The following SGCZ variants were observed in gnomAD, a reference collection of about 807,000 sequenced individuals.
The protein encoded by SGCZ is sarcoglycan zeta.
In SGCZ, 40 loss-of-function variants were observed where a neutral mutation model predicts 41.3. The ratio of observed to expected loss-of-function variants is 0.97; its 90% CI spans 0.75 to 1.26. SGCZ has a LOEUF of 1.26. Ranked by LOEUF, SGCZ falls within the 50% of genes most tolerant of loss-of-function variation. The probability of loss-of-function intolerance (pLI) is 0.00; values close to 1 mark genes in which losing one functional copy is unlikely to be tolerated. For synonymous variants in SGCZ, 206 were observed against 137.5 expected (o/e 1.50, Z -3.49); for missense variants, 552 against 369.8 (o/e 1.49, Z -4.04).
chr8:14,558,282 G>C (rs531803312), intron 1 of SGCZ, among the ~76,000 whole-genome samples: 31 of 152,052 alleles, frequency 2.0e-4, no homozygotes, highest in Non-Finnish European at 3.5e-4. Context: ...CCAAAAGATA[G>C]AGTAAGAGGG....
chr8:14,224,312 G>A (rs1342512231), intron 4 of SGCZ, among the ~76,000 whole-genome samples: 1 of 151,760 alleles, frequency 6.6e-6, no homozygotes, highest in Non-Finnish European at 1.5e-5. Context: ...AACCAATAGT[G>A]ACATTGCAAT....
intron 3 of SGCZ, among the ~76,000 whole-genome samples, chr8:14,315,345 G>A (rs528053714): frequency 2.0e-5 from 3 of 152,128 alleles, no homozygotes; most frequent in East Asian, 3.9e-4. Flanking sequence ...ATAGGTTACC[G>A]GCTGGGTAAT....
chr8:15,065,082 A>G (rs139176198), intron 1 of SGCZ, among the ~76,000 whole-genome samples: 1 of 152,260 alleles, frequency 6.6e-6, no homozygotes, highest in East Asian at 1.9e-4. Flanking sequence ...CAGTCCTGCC[A>G]AATCTGGATA....
chr8:14,558,812 G>C (rs1444485707), intron 1 of SGCZ, among the ~76,000 whole-genome samples: 4 of 151,954 alleles, frequency 2.6e-5, no homozygotes, highest in African/African-American at 9.7e-5. Flanking sequence ...TTTCATACCA[G>C]GAATGCAGTG....
At chr8:15,228,045 A>T (rs1158851176) in intron 1 of SGCZ, among the ~76,000 whole-genome samples, 1 of 152,242 alleles carries the variant, frequency 6.6e-6, no homozygotes, top group African/African-American at 2.4e-5. Context: ...TATGGAACAG[A>T]TGTTTGAAAA....
intron 1 of SGCZ, among the ~76,000 whole-genome samples, chr8:14,815,086 A>T (rs1801862122): frequency 6.6e-6 from 1 of 152,222 alleles, no homozygotes; most frequent in Non-Finnish European, 1.5e-5. Flanking sequence ...AATTTGTCCC[A>T]ACATGACATC....
At chr8:15,114,222 T>C (rs1007328061) in intron 1 of SGCZ, among the ~76,000 whole-genome samples, 2 of 152,208 alleles carry the variant, frequency 1.3e-5, no homozygotes, top group Non-Finnish European at 1.5e-5. Context: ...AATCATTTTG[T>C]AGGTAAAAGT....
intron 1 of SGCZ, among the ~76,000 whole-genome samples, chr8:14,971,039 T>C (rs1407856745): frequency 6.6e-6 from 1 of 152,224 alleles, no homozygotes; most frequent in Non-Finnish European, 1.5e-5. Flanking sequence ...TTTTTGATGC[T>C]TTTGTGAAAT....
intron 1 of SGCZ, among the ~76,000 whole-genome samples, chr8:15,184,054 A>G (rs1021626513): frequency 2.6e-5 from 4 of 152,172 alleles, no homozygotes; most frequent in Non-Finnish European, 5.9e-5. Flanking sequence ...TGCTGAAATA[A>G]TATATTTTTT....
chr8:15,079,758 G>A (rs1249283101), intron 1 of SGCZ, among the ~76,000 whole-genome samples: 2 of 152,154 alleles, frequency 1.3e-5, no homozygotes, highest in South Asian at 2.1e-4. Flanking sequence ...GATTCAGGGA[G>A]TCCATGTGCA....
intron 1 of SGCZ, among the ~76,000 whole-genome samples, chr8:14,691,717 C>T (rs1031674849): frequency 6.6e-6 from 1 of 151,902 alleles, no homozygotes; most frequent in Non-Finnish European, 1.5e-5. Flanking sequence ...ATTTAAACAT[C>T]GTTCTTCATA....
chr8:14,702,658 C>G (rs180672657), intron 1 of SGCZ, among the ~76,000 whole-genome samples: 1 of 151,928 alleles, frequency 6.6e-6, no homozygotes, highest in Admixed American at 6.6e-5. Flanking sequence ...TTGCTCAAGT[C>G]AAACACCTTG....
At chr8:14,761,285 T>C (rs149995114) in intron 1 of SGCZ, among the ~76,000 whole-genome samples, 93 of 152,162 alleles carry the variant, frequency 6.1e-4, no homozygotes, top group African/African-American at 2.1e-3. Flanking sequence ...AATATTATAT[T>C]AAAATGTTCC....
At chr8:14,341,092 G>T (rs891516855) in intron 2 of SGCZ, among the ~76,000 whole-genome samples, 1 of 152,122 alleles carries the variant, frequency 6.6e-6, no homozygotes. Flanking sequence ...CTATGTTGTA[G>T]CATGTGTCAA....
intron 2 of SGCZ, among the ~76,000 whole-genome samples, chr8:14,552,058 T>C (rs950760529): frequency 6.6e-6 from 1 of 151,248 alleles, no homozygotes; most frequent in African/African-American, 2.4e-5. Context: ...TTTGTGTAGA[T>C]CAATAGTACT....
chr8:14,104,031 T>G (rs1802126325), intron 6 of SGCZ, among the ~76,000 whole-genome samples: 4 of 152,116 alleles, frequency 2.6e-5, no homozygotes, highest in African/African-American at 9.7e-5. Flanking sequence ...GTATGGAAAG[T>G]CTCCTGTCCA....
chr8:15,103,082 T>A (rs887204588), intron 1 of SGCZ, among the ~76,000 whole-genome samples: 2 of 152,084 alleles, frequency 1.3e-5, no homozygotes, highest in Non-Finnish European at 2.9e-5. Flanking sequence ...TAAGGAGAGA[T>A]CGAAGAGTCC....
rs141646285 is a variant in SGCZ, at chr8:14,541,854, G to C, written c.234+12878C>G. Reference sequence around the variant, plus strand: ...TGGCATGAGATGGTATCTCATTGTGGTTTTGATTTCCATTTTCCAATGACC... The same window carrying C: ...TGGCATGAGATGGTATCTCATTGTGCTTTTGATTTCCATTTTCCAATGACC... On this transcript the variant is annotated intron_variant, in intron 2 of 7. Coordinates refer to ENST00000382080, the MANE Select transcript of SGCZ (RefSeq NM_139167.4). 7.2e-3 allele frequency among the ~76,000 whole-genome samples: 1,092 copies of C among 152,192 alleles called. 16 individuals are homozygous for C. The highest frequency in any genetic ancestry group is 0.025 in the African/African-American group (1,024 of 41,536).
At chr8:14,279,117 A>G (rs893308577) in intron 3 of SGCZ, among the ~76,000 whole-genome samples, 2 of 152,124 alleles carry the variant, frequency 1.3e-5, no homozygotes, top group African/African-American at 4.8e-5. Context: ...TGAATTCCCT[A>G]GAAATCAGAG....
Sources: gnomAD v4.1 joint callset for allele counts (sites outside exome capture counted in the v4.1 genomes callset) on GRCh38, gnomAD v4.1.1 for gene constraint, MANE v1.5 for transcripts, NCBI Gene and HGNC (gene_info 2026-07-23, HGNC 2026-07-21) for gene names.